Variants in GALNT13 observed in about 807,000 individuals in gnomAD.
GALNT13 encodes polypeptide N-acetylgalactosaminyltransferase 13.
A neutral mutation model predicts 64.2 loss-of-function variants in GALNT13; 28 were observed. That is an observed-to-expected ratio of 0.44 (90% CI 0.32 to 0.60). The LOEUF (loss-of-function observed/expected upper bound fraction) is 0.60. Ranked by LOEUF, GALNT13 falls within the 20% of genes least tolerant of loss-of-function variation. The probability of loss-of-function intolerance (pLI) is 0.05; values close to 1 mark genes in which losing one functional copy is unlikely to be tolerated. For synonymous variants in GALNT13, 214 were observed against 224.6 expected (o/e 0.95, Z 0.42); for missense variants, 577 against 669.8 (o/e 0.86, Z 1.53).
the GALNT13 span, among the ~76,000 whole-genome samples, chr2:153,124,422 G>A: frequency 6.6e-6 from 1 of 152,166 alleles, no homozygotes. Flanking sequence ...AAATGCTTGA[G>A]CTTTTTCTCC....
chr2:153,172,368 C>T, the GALNT13 span, among the ~76,000 whole-genome samples: 1 of 151,964 alleles, frequency 6.6e-6, no homozygotes, highest in Non-Finnish European at 1.5e-5. Flanking sequence ...AGAATGTTAG[C>T]TGGGAGTTAG....
chr2:154,187,372 ACACAC>A (rs1686312621), intron 4 of GALNT13, among the ~76,000 whole-genome samples: 1 of 13,648 alleles, frequency 7.3e-5, no homozygotes, highest in South Asian at 1.4e-3. Flanking sequence ...AGGAGAAAAC[ACACAC>A]ACACACACAC....
intron 2 of GALNT13, among the ~76,000 whole-genome samples, chr2:153,916,679 A>G (rs1040744383): frequency 5.3e-5 from 8 of 152,216 alleles, no homozygotes; most frequent in African/African-American, 1.9e-4. Context: ...GGTTCATTGC[A>G]TAGGAAATAG....
chr2:153,602,532 C>T, the GALNT13 span, among the ~76,000 whole-genome samples: 2,408 of 151,656 alleles, frequency 0.016, 44 homozygotes, highest in African/African-American at 0.045. Context: ...TGTGGACATA[C>T]GGGCAAGACG....
chr2:154,112,372 G>A (rs1485830168), intron 3 of GALNT13, among the ~76,000 whole-genome samples: 1 of 152,178 alleles, frequency 6.6e-6, no homozygotes, highest in African/African-American at 2.4e-5. Flanking sequence ...AGGCTGAGTG[G>A]TGTCCACAGA....
At chr2:153,322,960 C>T in the GALNT13 span, among the ~76,000 whole-genome samples, 61 of 152,218 alleles carry the variant, frequency 4.0e-4, no homozygotes, top group Admixed American at 5.2e-4. Flanking sequence ...AATAAACATA[C>T]GTGTGCATGT....
chr2:153,734,863 T>C, the GALNT13 span, among the ~76,000 whole-genome samples: 857 of 152,276 alleles, frequency 5.6e-3, 28 homozygotes, highest in Admixed American at 0.043. Context: ...GCATTCTGTT[T>C]TTAACTGGAA....
chr2:154,071,226 T>C (rs1287533497), intron 3 of GALNT13, among the ~76,000 whole-genome samples: 3 of 152,298 alleles, frequency 2.0e-5, no homozygotes, highest in Admixed American at 6.5e-5. Flanking sequence ...TTGCCAATAT[T>C]TTATTCAATC....
chr2:153,543,964 G>C, the GALNT13 span, among the ~76,000 whole-genome samples: 588 of 152,208 alleles, frequency 3.9e-3, 2 homozygotes, highest in Non-Finnish European at 6.1e-3. Flanking sequence ...GTTTATAAAG[G>C]GCTGCAGCAG....
intron 3 of GALNT13, among the ~76,000 whole-genome samples, chr2:153,999,356 C>T (rs1399863710): frequency 6.6e-6 from 1 of 151,094 alleles, no homozygotes; most frequent in Non-Finnish European, 1.5e-5. Flanking sequence ...AGTATGTTAA[C>T]CAAAAGTGGT....
chr2:154,450,675 A>G lies in GALNT13; in HGVS notation c.*124A>G. ...AATCCTTTTAGTATTCTAAAACACAATTGTTTCTAATTCGTTTCTAGAAAT... is the reference window on the plus strand; with the variant it reads ...AATCCTTTTAGTATTCTAAAACACAGTTGTTTCTAATTCGTTTCTAGAAAT... On this transcript the variant is annotated 3_prime_UTR_variant, in exon 13 of 13. Coordinates refer to ENST00000392825, the MANE Select transcript of GALNT13 (RefSeq NM_052917.4). 4.8e-6 allele frequency: 4 copies of G among 839,236 alleles called. No individual in the cohort carries two copies. Among genetic ancestry groups the G allele is most frequent in the Non-Finnish European group, 7.0e-6 (4 of 572,636 alleles). The allele number at this position is 839,236 out of a possible 1,614,324, so 52.0% of individuals were successfully genotyped here. A position where few individuals can be genotyped will look rare whatever the true frequency, so the allele number is the denominator to read the frequency against.
chr2:153,947,188 G>A, intron 3 of GALNT13, among the ~76,000 whole-genome samples: 1 of 151,904 alleles, frequency 6.6e-6, no homozygotes, highest in East Asian at 1.9e-4. Context: ...TATTTATTAA[G>A]TTCTTACTCT....
chr2:153,500,497 C>T, the GALNT13 span, among the ~76,000 whole-genome samples: 2 of 152,130 alleles, frequency 1.3e-5, no homozygotes, highest in Admixed American at 1.3e-4. Flanking sequence ...ACATTTAACC[C>T]CATCACCTGG....
At chr2:153,149,648 A>G in the GALNT13 span, among the ~76,000 whole-genome samples, 1 of 151,862 alleles carries the variant, frequency 6.6e-6, no homozygotes, top group South Asian at 2.1e-4. Context: ...TGTGGGTTAC[A>G]AATAAACCTT....
intron 4 of GALNT13, among the ~76,000 whole-genome samples, chr2:154,176,219 A>G (rs961853560): frequency 6.6e-6 from 1 of 151,204 alleles, no homozygotes; most frequent in African/African-American, 2.4e-5. Flanking sequence ...ATGTTTGTTT[A>G]AGGTCTAGTA....
chr2:153,319,923 T>TAAA, the GALNT13 span, among the ~76,000 whole-genome samples: 2 of 152,178 alleles, frequency 1.3e-5, no homozygotes, highest in African/African-American at 4.8e-5. Context: ...TACTGGCCAT[T>TAAA]TTAGTGGAAG....
chr2:153,752,336 G>C, the GALNT13 span, among the ~76,000 whole-genome samples: 1 of 151,822 alleles, frequency 6.6e-6, no homozygotes, highest in Non-Finnish European at 1.5e-5. Context: ...AGTGAGTTTT[G>C]TTCCTTCAGG....
chr2:153,472,123 C>CT, the GALNT13 span, among the ~76,000 whole-genome samples: 1 of 152,124 alleles, frequency 6.6e-6, no homozygotes, highest in African/African-American at 2.4e-5. Context: ...CAGAGGGATT[C>CT]TTTTTCCAAA....
chr2:154,323,141 G>T (rs1306235277), intron 9 of GALNT13, among the ~76,000 whole-genome samples: 3 of 151,510 alleles, frequency 2.0e-5, no homozygotes, highest in Non-Finnish European at 2.9e-5. Flanking sequence ...TTCAAAGGAA[G>T]GAGTAGCAGC....
Sources: allele counts gnomAD v4.1 joint callset (sites outside exome capture counted in the v4.1 genomes callset), GRCh38; gene constraint gnomAD v4.1.1; transcripts MANE v1.5; gene names NCBI Gene and HGNC (gene_info 2026-07-23, HGNC 2026-07-21).